PTGER3: variants seen among roughly 807,000 people sequenced by gnomAD.
The protein encoded by PTGER3 is prostaglandin E receptor 3, also known as prostaglandin E2 receptor EP3 subtype.
A neutral mutation model predicts 34.7 loss-of-function variants in PTGER3; 22 were observed. The observed-to-expected ratio is 0.63, with a 90% CI of 0.45 to 0.91. The LOEUF (loss-of-function observed/expected upper bound fraction) is 0.91. Ranked by LOEUF, PTGER3 falls within the 40% of genes least tolerant of loss-of-function variation. The pLI is 0.00. For synonymous variants in PTGER3, 241 were observed against 230.1 expected (o/e 1.05, Z -0.43); for missense variants, 468 against 519.4 (o/e 0.90, Z 0.96).
chr1:70,981,325 TTC>T (rs1158489079), intron 2 of PTGER3, among the ~76,000 whole-genome samples: 3 of 50,918 alleles, frequency 5.9e-5, no homozygotes, highest in Admixed American at 2.0e-4. Context: ...CCTTTCTTCT[TTC>T]TTTCTTTCTT....
At chr1:70,962,412 C>A (rs1652024880) in intron 2 of PTGER3, among the ~76,000 whole-genome samples, 1 of 150,788 alleles carries the variant, frequency 6.6e-6, no homozygotes, top group Non-Finnish European at 1.5e-5. Flanking sequence ...TACAGGAAAG[C>A]CATCAACTGG....
intron 4 of PTGER3, among the ~76,000 whole-genome samples, chr1:70,866,939 C>T (rs971447408): frequency 6.6e-6 from 1 of 152,224 alleles, no homozygotes; most frequent in African/African-American, 2.4e-5. Flanking sequence ...AAGTTACAGC[C>T]TGTTCTCCTT....
chr1:71,002,272 AG>A (rs1382390412), intron 2 of PTGER3: 9 of 152,158 alleles, frequency 5.9e-5, no homozygotes, highest in South Asian at 2.1e-4. Context: ...TTAAAAAAAA[AG>A]TCTGTATTTT....
intron 4 of PTGER3, among the ~76,000 whole-genome samples, chr1:70,863,229 C>T (rs1387752827): frequency 6.6e-6 from 1 of 151,828 alleles, no homozygotes; most frequent in African/African-American, 2.4e-5. Context: ...AGATGTGATC[C>T]GGAACAGTTC....
At chr1:71,012,017 T>C (rs1009647507) in intron 2 of PTGER3, 6 of 1,404,412 alleles carry the variant, frequency 4.3e-6, no homozygotes, top group African/African-American at 2.9e-5. Context: ...TAGACTGTTA[T>C]TAATATATTT....
intron 4 of PTGER3, among the ~76,000 whole-genome samples, chr1:70,930,067 G>T (rs934472093): frequency 1.3e-5 from 2 of 152,180 alleles, no homozygotes; most frequent in Non-Finnish European, 1.5e-5. Context: ...AAAAGGTGAA[G>T]CTTACTTAGT....
intron 4 of PTGER3, among the ~76,000 whole-genome samples, chr1:70,928,121 A>T (rs975759621): frequency 2.2e-5 from 2 of 91,740 alleles, no homozygotes; most frequent in African/African-American, 8.4e-5. Context: ...TCCATTCATC[A>T]TATATATATA....
Position 70,952,794 on chromosome 1 carries a change from G to A in PTGER3, c.*113C>T, listed in dbSNP as rs943324619. ...CTTGCTGGTAATCTCCCACCTTTCC[G>A]AGTCAATCAACACATGGAAAGTGCT... On this transcript the variant is annotated 3_prime_UTR_variant, in exon 4 of 4. Transcript: ENST00000356595. 1.5e-5 allele frequency: 21 copies of A among 1,362,524 alleles called. No individual in the cohort carries two copies. The Admixed American group carries it at 2.6e-4, about 17-fold the overall frequency. The allele number at this position is 1,362,524 out of a possible 1,614,324, so 84.4% of individuals were successfully genotyped here. A position where few individuals can be genotyped will look rare whatever the true frequency, so the allele number is the denominator to read the frequency against.
chr1:70,902,362 T>G (rs1646858909), intron 4 of PTGER3, among the ~76,000 whole-genome samples: 1 of 152,170 alleles, frequency 6.6e-6, no homozygotes, highest in Admixed American at 6.5e-5. Flanking sequence ...TTCACCAACC[T>G]CTGCTGAAAA....
chr1:70,935,731 A>G (rs374225873), intron 4 of PTGER3, among the ~76,000 whole-genome samples: 11 of 149,864 alleles, frequency 7.3e-5, no homozygotes, highest in African/African-American at 2.7e-4. Context: ...CAGAATGTGC[A>G]TGCAAAGATA....
chr1:70,908,023 C>T (rs1181159155), intron 4 of PTGER3, among the ~76,000 whole-genome samples: 2 of 152,156 alleles, frequency 1.3e-5, no homozygotes, highest in Non-Finnish European at 2.9e-5. Flanking sequence ...CATATTGTCT[C>T]TCCCTTCAGT....
chr1:71,037,803 C>T (rs1264642698), intron 1 of PTGER3, among the ~76,000 whole-genome samples: 1 of 152,158 alleles, frequency 6.6e-6, no homozygotes, highest in Non-Finnish European at 1.5e-5. Flanking sequence ...GTGCCTTGTT[C>T]TCTCTGTGGC....
intron 2 of PTGER3, among the ~76,000 whole-genome samples, chr1:71,000,794 A>T (rs888520670): frequency 2.0e-5 from 3 of 152,198 alleles, no homozygotes; most frequent in African/African-American, 7.2e-5. Flanking sequence ...AGAGAAATGT[A>T]TTCAAGAAAA....
chr1:70,885,911 A>G (rs1278603950), intron 4 of PTGER3, among the ~76,000 whole-genome samples: 2 of 152,178 alleles, frequency 1.3e-5, no homozygotes, highest in Admixed American at 1.3e-4. Context: ...CCTGATAGAA[A>G]AAATAATACT....
intron 4 of PTGER3, among the ~76,000 whole-genome samples, chr1:70,867,919 A>G (rs1281742847): frequency 2.0e-5 from 3 of 152,168 alleles, no homozygotes; most frequent in African/African-American, 7.2e-5. Flanking sequence ...AACAGACAGC[A>G]TTTGATTCAC....
chr1:71,018,759 A>T (rs1658141658), intron 1 of PTGER3, among the ~76,000 whole-genome samples: 4 of 152,172 alleles, frequency 2.6e-5, no homozygotes. Context: ...TTGAAAATTA[A>T]TTTTTGTGAG....
intron 2 of PTGER3, among the ~76,000 whole-genome samples, chr1:70,992,547 T>C (rs976374876): frequency 1.3e-5 from 2 of 152,162 alleles, no homozygotes. Flanking sequence ...GACTCAATGA[T>C]CTCTACTGTT....
At chr1:70,956,684 T>G (rs1275753171) in intron 2 of PTGER3, among the ~76,000 whole-genome samples, 1 of 152,130 alleles carries the variant, frequency 6.6e-6, no homozygotes, top group Non-Finnish European at 1.5e-5. Flanking sequence ...GCAGAGGCAG[T>G]TGACCCAAAC....
At chr1:71,030,853 CTCAA>C (rs1659348277) in intron 1 of PTGER3, among the ~76,000 whole-genome samples, 1 of 151,774 alleles carries the variant, frequency 6.6e-6, no homozygotes, top group African/African-American at 2.4e-5. Context: ...TTTTACTATT[CTCAA>C]TCAATTTGTT....
Sources: allele counts gnomAD v4.1 joint callset (sites outside exome capture counted in the v4.1 genomes callset), GRCh38; gene constraint gnomAD v4.1.1; transcripts MANE v1.5; gene names NCBI Gene and HGNC (gene_info 2026-07-23, HGNC 2026-07-21).